The following PRELID2 variants were observed in gnomAD, a reference collection of about 807,000 sequenced individuals.
The protein encoded by PRELID2 is PRELI domain containing 2.
A neutral mutation model predicts 28.4 loss-of-function variants in PRELID2; 25 were observed. The ratio of observed to expected loss-of-function variants is 0.88; its 90% confidence interval spans 0.64 to 1.23. The LOEUF (loss-of-function observed/expected upper bound fraction) is 1.23, where lower values mean the gene tolerates loss of function less well. Among genes scored for constraint, PRELID2 ranks in the 50% most tolerant of loss-of-function variants. The pLI is 0.00. For missense variants in PRELID2, 201 were observed against 214.4 expected (o/e 0.94, Z 0.39); for synonymous variants, 76 against 71.6 (o/e 1.06, Z -0.31).
intron 1 of PRELID2, among the ~76,000 whole-genome samples, chr5:145,541,232 G>A (rs183166194): frequency 4.6e-5 from 7 of 152,230 alleles, no homozygotes; most frequent in Non-Finnish European, 8.8e-5. Context: ...ATAAGGTGAT[G>A]TAATAGTGTA....
chr5:145,697,036 TATATATATA>T (rs1561547532), intron 1 of PRELID2, among the ~76,000 whole-genome samples: 10 of 11,136 alleles, frequency 9.0e-4, no homozygotes, highest in African/African-American at 2.2e-3. Context: ...AGGAAAATTA[TATATATATA>T]TATATATATA....
intron 1 of PRELID2, among the ~76,000 whole-genome samples, chr5:145,528,677 C>T (rs1752629088): frequency 1.3e-5 from 2 of 148,708 alleles, no homozygotes; most frequent in South Asian, 4.3e-4. Context: ...GGCCGTTTCA[C>T]TTCATTCTAA....
At chr5:145,496,207 T>C (rs747960505) in intron 1 of PRELID2, among the ~76,000 whole-genome samples, 4 of 152,124 alleles carry the variant, frequency 2.6e-5, no homozygotes, top group Non-Finnish European at 4.4e-5. Flanking sequence ...AAGGACAATA[T>C]ACAAATTTGA....
the PRELID2 span, among the ~76,000 whole-genome samples, chr5:145,419,697 G>C: frequency 6.6e-6 from 1 of 152,068 alleles, no homozygotes; most frequent in African/African-American, 2.4e-5. Context: ...TCACTCTGAT[G>C]GTAGTTTGTT....
chr5:145,725,903 G>T (rs544123640), intron 1 of PRELID2, among the ~76,000 whole-genome samples: 3 of 152,096 alleles, frequency 2.0e-5, no homozygotes, highest in Non-Finnish European at 4.4e-5. Flanking sequence ...GAATTTACAC[G>T]TGGGTGCAGT....
chr5:145,277,022 G>C, the PRELID2 span, among the ~76,000 whole-genome samples: 34 of 152,068 alleles, frequency 2.2e-4, no homozygotes, highest in African/African-American at 8.2e-4. Flanking sequence ...TGCCTGTTCT[G>C]ATTTTTATGA....
chr5:145,419,803 C>A, the PRELID2 span, among the ~76,000 whole-genome samples: 1 of 151,872 alleles, frequency 6.6e-6, no homozygotes, highest in African/African-American at 2.4e-5. Flanking sequence ...GAAGTCCTTG[C>A]CCATGCCTAT....
chr5:145,573,903 T>G (rs1000096618), intron 1 of PRELID2, among the ~76,000 whole-genome samples: 3 of 152,164 alleles, frequency 2.0e-5, no homozygotes, highest in African/African-American at 7.2e-5. Flanking sequence ...ATGATTACCA[T>G]TTTATAAACT....
chr5:145,395,678 T>C, the PRELID2 span, among the ~76,000 whole-genome samples: 2 of 152,172 alleles, frequency 1.3e-5, no homozygotes, highest in East Asian at 3.8e-4. Context: ...CATAATTTTC[T>C]CCACATTTGT....
chr5:145,594,907 C>T (rs1292307609), intron 1 of PRELID2, among the ~76,000 whole-genome samples: 2 of 152,120 alleles, frequency 1.3e-5, no homozygotes, highest in African/African-American at 2.4e-5. Context: ...GTGGGCAGAT[C>T]GCTTGAGGTC....
chr5:145,589,556 AT>A (rs1033093099), intron 1 of PRELID2, among the ~76,000 whole-genome samples: 13 of 151,972 alleles, frequency 8.6e-5, no homozygotes, highest in East Asian at 3.9e-4. Flanking sequence ...GTAAGGCTGA[AT>A]TTTTTTTCAT....
chr5:145,244,563 A>G, the PRELID2 span, among the ~76,000 whole-genome samples: 1 of 152,068 alleles, frequency 6.6e-6, no homozygotes, highest in Non-Finnish European at 1.5e-5. Context: ...GTGAAGACTC[A>G]CTACAGTTTC....
the PRELID2 span, among the ~76,000 whole-genome samples, chr5:145,279,478 CT>C: frequency 6.6e-6 from 1 of 152,118 alleles, no homozygotes; most frequent in African/African-American, 2.4e-5. Flanking sequence ...GTTTCGTCAC[CT>C]GTAAAATGGC....
chr5:145,743,654 C>T (rs901016184), intron 1 of PRELID2, among the ~76,000 whole-genome samples: 1 of 152,080 alleles, frequency 6.6e-6, no homozygotes, highest in African/African-American at 2.4e-5. Context: ...GCGTGGAAAC[C>T]GTGCTTTTTC....
At chr5:145,808,914 G>C (rs1045513052) in intron 4 of PRELID2, among the ~76,000 whole-genome samples, 4 of 150,676 alleles carry the variant, frequency 2.7e-5, no homozygotes, top group African/African-American at 9.8e-5. Context: ...AAAAAGAACA[G>C]TTTCTCATCT....
At chr5:145,585,296 C>T (rs1180160157) in intron 1 of PRELID2, among the ~76,000 whole-genome samples, 2 of 151,770 alleles carry the variant, frequency 1.3e-5, no homozygotes, top group East Asian at 1.9e-4. Flanking sequence ...GGTGGGGTGG[C>T]GAAGAAGGGA....
chr5:145,292,107 C>CA, the PRELID2 span, among the ~76,000 whole-genome samples: 344 of 151,060 alleles, frequency 2.3e-3, 2 homozygotes, highest in African/African-American at 7.7e-3. Context: ...GTAGGCTCTA[C>CA]AAAAAAAAGG....
At chr5:145,554,872 TG>T (rs1752866638) in intron 1 of PRELID2, among the ~76,000 whole-genome samples, 2 of 152,224 alleles carry the variant, frequency 1.3e-5, no homozygotes, top group Admixed American at 1.3e-4. Context: ...TATTCATTCA[TG>T]GGTCATCATC....
intron 1 of PRELID2, among the ~76,000 whole-genome samples, chr5:145,500,773 G>A (rs1219433012): frequency 6.6e-6 from 1 of 152,148 alleles, no homozygotes; most frequent in Non-Finnish European, 1.5e-5. Flanking sequence ...GTCCAAGAAG[G>A]ATGGCAACTA....
Sources: allele counts gnomAD v4.1 joint callset (sites outside exome capture counted in the v4.1 genomes callset), GRCh38; gene constraint gnomAD v4.1.1; transcripts MANE v1.5; gene names NCBI Gene and HGNC (gene_info 2026-07-23, HGNC 2026-07-21).